Variants in ARAP2 observed in about 807,000 individuals in gnomAD.
The protein encoded by ARAP2 is ArfGAP with RhoGAP domain, ankyrin repeat and PH domain 2, also known as arf-GAP with Rho-GAP domain, ANK repeat and PH domain-containing protein 2.
ARAP2 carries 148 observed loss-of-function variants against 194.5 expected under a neutral mutation model. The ratio of observed to expected loss-of-function variants is 0.76; its 90% CI spans 0.67 to 0.87. The LOEUF is 0.87. Ranked by LOEUF, ARAP2 falls within the 40% of genes least tolerant of loss-of-function variation. ARAP2 has a pLI of 0.00. For missense variants in ARAP2, 2,128 were observed against 1,989.7 expected (o/e 1.07, Z -1.32); for synonymous variants, 695 against 683.5 (o/e 1.02, Z -0.26).
downstream of ARAP2, among the ~76,000 whole-genome samples, chr4:36,063,423 G>T (rs542656233): frequency 6.6e-6 from 1 of 150,546 alleles, no homozygotes; most frequent in Non-Finnish European, 1.5e-5. Flanking sequence ...AAACTTGCAC[G>T]TTGTGCACAT....
intron 5 of ARAP2, among the ~76,000 whole-genome samples, chr4:36,043,257 GT>G (rs1721181717): frequency 6.6e-6 from 1 of 152,058 alleles, no homozygotes; most frequent in Non-Finnish European, 1.5e-5. Context: ...GACATCCCTA[GT>G]TTTCCCCCAA....
rs753590212 is a variant in ARAP2 at position 36,080,221 on chromosome 4, C to T, written c.4603G>A (p.Ala1535Thr). 1.9e-6 allele frequency: 3 copies of T among 1,612,628 alleles called. No homozygotes were observed. The highest frequency in any genetic ancestry group is 1.3e-5 in the African/African-American group (1 of 74,956). Residue 1535 changes from alanine (A) to threonine (T), a missense_variant, in exon 31 of 33, where the codon GCC becomes ACC. Physicochemically the swap from Ala to Thr is moderately conservative, Grantham distance 58. Coordinates refer to ENST00000303965, the MANE Select transcript of ARAP2 (RefSeq NM_015230.4). ...QTEWMTSIFI[A>T]QHEYDIWPPA... ...AGTTCAAACAAATCTCGTACCTGGG[C>T]AATAAAGATACTGGTCATCCACTCC...
At chr4:36,154,886 AT>A (rs1319281173) in intron 15 of ARAP2, among the ~76,000 whole-genome samples, 15 of 152,120 alleles carry the variant, frequency 9.9e-5, no homozygotes, top group Non-Finnish European at 1.9e-4. Context: ...CAAATAATTC[AT>A]TTTTTTCCAT....
chr4:36,149,299 A>T (rs1178332184), intron 16 of ARAP2, among the ~76,000 whole-genome samples: 1 of 140,444 alleles, frequency 7.1e-6, no homozygotes, highest in African/African-American at 2.4e-5. Context: ...TCCCCTTAAC[A>T]TCAACTCTTG....
intron 27 of ARAP2, among the ~76,000 whole-genome samples, chr4:36,101,045 T>C (rs990991836): frequency 1.1e-4 from 16 of 152,088 alleles, no homozygotes; most frequent in Middle Eastern, 3.4e-3. Flanking sequence ...GAAAAAAACA[T>C]AGCATAGCTA....
chr4:36,202,378 G>T (rs1478103672), intron 6 of ARAP2, among the ~76,000 whole-genome samples: 2 of 151,754 alleles, frequency 1.3e-5, no homozygotes, highest in East Asian at 3.9e-4. Context: ...AACCAAAATA[G>T]CAATTTCCAA....
At chr4:36,105,366 C>T (rs145590835) in intron 27 of ARAP2, among the ~76,000 whole-genome samples, 150 of 152,016 alleles carry the variant, frequency 9.9e-4, no homozygotes, top group African/African-American at 3.6e-3. Flanking sequence ...AATATTTCAT[C>T]CAAATCTCTG....
intron 1 of ARAP2, among the ~76,000 whole-genome samples, chr4:36,241,236 A>G (rs1257086333): frequency 6.6e-6 from 1 of 152,216 alleles, no homozygotes. Context: ...GATGTTTCAG[A>G]ATAGCCTACT....
chr4:36,226,518 C>CA lies in ARAP2; in HGVS notation c.905+2063dup, dbSNP rs140764102. On this transcript the variant is annotated intron_variant, in intron 2 of 32. Transcript: ENST00000303965. ...AAAACGTATCTTTTAAGCCCCCCCC[C>CA]ACATAATTTAGTTGGTTTTTCACAA... Among the ~76,000 whole-genome samples the CA allele has an allele frequency of 3.3e-3, 508 of 152,080 alleles. 5 individuals are homozygous for CA. Among genetic ancestry groups the CA allele is most frequent in the Non-Finnish European group, 5.6e-3 (381 of 67,980 alleles).
chr4:36,091,757 T>G (rs1713717020), intron 28 of ARAP2, 124 bp downstream of exon 28: 1 of 1,079,396 alleles, frequency 9.3e-7, no homozygotes, highest in Non-Finnish European at 1.3e-6. Context: ...AAGCAAATCA[T>G]CAGCTTACCA....
In ARAP2 at chr4:36,102,807, C is replaced by T. The variant is rs73806451; in HGVS notation, c.4285+4758G>A. Among the ~76,000 whole-genome samples, 856 of 151,974 alleles carry T rather than the reference C, an allele frequency of 5.6e-3. 9 individuals carry two copies. The highest frequency in any genetic ancestry group is 0.019 in the African/African-American group (808 of 41,492). On this transcript the variant is annotated intron_variant, in intron 27 of 32. Transcript: ENST00000303965. ...AATACCTTAAATTTTCTATAGATTA[C>T]TGCATGATACAGAGAGTTAATACAA... is the stretch of plus-strand genomic sequence containing the variant.
At chr4:36,156,814 T>C (rs1017632839) in intron 15 of ARAP2, among the ~76,000 whole-genome samples, 2 of 152,182 alleles carry the variant, frequency 1.3e-5, no homozygotes, top group Non-Finnish European at 2.9e-5. Context: ...ACAGACAAAA[T>C]ACAAAAGCTC....
chr4:36,057,268 G>A lies in ARAP2; in HGVS notation n.321+702C>T, dbSNP rs1577683763. ...TTGTATTGTTATTACTCTAAGTTTG[G>A]GGTTTCGGTATTCTCTGGATGATTT... On this transcript the variant is annotated intron_variant and non_coding_transcript_variant, in intron 2 of 12. Coordinates refer to the ARAP2 transcript ENST00000503225. Among the ~76,000 whole-genome samples, 3 of 151,096 alleles carry A rather than the reference G, an allele frequency of 2.0e-5. No individual in the cohort carries two copies. The East Asian group carries it at 5.8e-4, about 29-fold the overall frequency.
At chr4:36,162,926 T>C (rs1245143217) in intron 11 of ARAP2, among the ~76,000 whole-genome samples, 2 of 152,200 alleles carry the variant, frequency 1.3e-5, no homozygotes, top group Non-Finnish European at 2.9e-5. Flanking sequence ...GCTTTGAGTG[T>C]GCAGCGTAGA....
chr4:36,126,608 C>T (rs535867717), intron 21 of ARAP2, among the ~76,000 whole-genome samples: 1 of 151,994 alleles, frequency 6.6e-6, no homozygotes, highest in Non-Finnish European at 1.5e-5. Context: ...CCCAACATGG[C>T]CACTTTTGAA....
rs1205197786 is a variant in ARAP2, at chr4:36,228,917, T to C, written c.570A>G (p.Thr190=). The C allele has an allele frequency of 5.6e-6, 9 of 1,614,022 alleles. No individual in the cohort carries two copies. Among genetic ancestry groups the C allele is most frequent in the Non-Finnish European group, 7.6e-6 (9 of 1,179,944 alleles). ...SLITKKTVDH[T]VEEQQTEKVK... ...CTTTTTCTGTTTGTTGTTCTTCAAC[T>C]GTGTGATCCACAGTCTTCTTTGTAA... The change falls in exon 2 of 33, where the codon ACA becomes ACG. Residue 190 remains threonine (T), a synonymous_variant. Transcript: ENST00000303965.
chr4:36,216,182 G>C (rs1198652191), intron 2 of ARAP2, among the ~76,000 whole-genome samples: 2 of 152,060 alleles, frequency 1.3e-5, no homozygotes, highest in African/African-American at 2.4e-5. Context: ...CTTCAGCCCA[G>C]GAGGTTGAGG....
At chr4:36,185,935 G>A (rs942693888) in intron 8 of ARAP2, among the ~76,000 whole-genome samples, 2 of 151,258 alleles carry the variant, frequency 1.3e-5, no homozygotes, top group South Asian at 2.1e-4. Context: ...CCGAGATTGC[G>A]CCATTGCACT....
At chr4:36,134,806 A>T (rs2109623606) in intron 19 of ARAP2, among the ~76,000 whole-genome samples, 1 of 151,050 alleles carries the variant, frequency 6.6e-6, no homozygotes, top group Middle Eastern at 3.4e-3. Context: ...TTGGCTGGCT[A>T]CTCCAAACCT....
Sources: gnomAD v4.1 joint callset for allele counts (sites outside exome capture counted in the v4.1 genomes callset) on GRCh38, gnomAD v4.1.1 for gene constraint, MANE v1.5 for transcripts, NCBI Gene and HGNC (gene_info 2026-07-23, HGNC 2026-07-21) for gene names.